FBXL20: variants seen among roughly 807,000 people sequenced by gnomAD.
The protein encoded by FBXL20 is F-box and leucine rich repeat protein 20.
FBXL20 carries 11 observed loss-of-function variants against 64.0 expected under a neutral mutation model. The observed-to-expected ratio is 0.17, with a 90% CI of 0.11 to 0.28. The LOEUF (loss-of-function observed/expected upper bound fraction) is 0.28, where lower values mean the gene tolerates loss of function less well. Ranked by LOEUF, FBXL20 falls within the 10% of genes least tolerant of loss-of-function variation. The pLI is 1.00. For synonymous variants in FBXL20, 184 were observed against 189.0 expected, an observed-to-expected ratio of 0.97 and a Z score of 0.22; for missense variants, 303 against 526.2, an observed-to-expected ratio of 0.58 and a Z score of 4.15.
intron 2 of FBXL20, among the ~76,000 whole-genome samples, chr17:39,342,140 G>C (rs745867776): frequency 4.6e-5 from 7 of 152,032 alleles, no homozygotes; most frequent in Non-Finnish European, 1.0e-4. Context: ...TGTAGGCCAT[G>C]GTATGGAATT....
At chr17:39,291,783 A>C (rs1400046058) in intron 6 of FBXL20, among the ~76,000 whole-genome samples, 3 of 152,250 alleles carry the variant, frequency 2.0e-5, no homozygotes, top group Non-Finnish European at 4.4e-5. Flanking sequence ...ATTTTGCTCT[A>C]AGCAATACCT....
intron 2 of FBXL20, among the ~76,000 whole-genome samples, chr17:39,340,498 A>C (rs1873771653): frequency 6.6e-6 from 1 of 152,178 alleles, no homozygotes; most frequent in Non-Finnish European, 1.5e-5. Context: ...CCAAAGTGCT[A>C]GGATTATAGG....
chr17:39,377,842 C>G (rs1224220295), intron 1 of FBXL20, among the ~76,000 whole-genome samples: 1 of 152,150 alleles, frequency 6.6e-6, no homozygotes, highest in South Asian at 2.1e-4. Context: ...ATCTAGGCAG[C>G]GGGCAAGGTG....
At chr17:39,342,376 G>T (rs560176776) in intron 2 of FBXL20, among the ~76,000 whole-genome samples, 16 of 148,900 alleles carry the variant, frequency 1.1e-4, no homozygotes, top group African/African-American at 3.5e-4. Context: ...GACTATTCTG[G>T]GCAACACAGT....
At chr17:39,332,642 C>T (rs964678940) in intron 2 of FBXL20, among the ~76,000 whole-genome samples, 12 of 149,982 alleles carry the variant, frequency 8.0e-5, no homozygotes, top group African/African-American at 2.4e-4. Context: ...CCTGGGTTCA[C>T]GCCATTCGCC....
At chr17:39,400,308 A>G (rs1186903650) in intron 1 of FBXL20, among the ~76,000 whole-genome samples, 1 of 152,212 alleles carries the variant, frequency 6.6e-6, no homozygotes, top group Non-Finnish European at 1.5e-5. Flanking sequence ...GATTAAACTG[A>G]CAACCCTTAA....
Position 39,292,271 on chromosome 17 carries a change from C to T in FBXL20, c.398+4856G>A, listed in dbSNP as rs996823858. The stretch of plus-strand genomic sequence containing the variant: ...TTACGCCATCTGATATTACTGTCCA[C>T]TCCAACTTTCCCAACTAGTATTTAT... On this transcript the variant is annotated intron_variant, in intron 6 of 14. Coordinates refer to ENST00000264658, the MANE Select transcript of FBXL20 (RefSeq NM_032875.3). Among the ~76,000 whole-genome samples, 3 of 150,704 alleles carry T rather than the reference C, an allele frequency of 2.0e-5. 1 individual carries two copies. Among genetic ancestry groups the T allele is most frequent in the African/African-American group, 7.5e-5 (3 of 40,250 alleles).
chr17:39,272,398 A>G (rs1246238906), intron 10 of FBXL20, among the ~76,000 whole-genome samples: 2 of 147,130 alleles, frequency 1.4e-5, no homozygotes, highest in East Asian at 3.9e-4. Context: ...AAAAAAAAAA[A>G]AAAATTTTTT....
intron 1 of FBXL20, among the ~76,000 whole-genome samples, chr17:39,387,858 G>T (rs750710864): frequency 1.3e-5 from 2 of 152,090 alleles, no homozygotes; most frequent in African/African-American, 2.4e-5. Flanking sequence ...GGTTACAGGC[G>T]TGAGTGACCG....
chr17:39,309,719 G>A (rs778654040), intron 2 of FBXL20, among the ~76,000 whole-genome samples: 9 of 150,134 alleles, frequency 6.0e-5, no homozygotes, highest in African/African-American at 1.2e-4. Context: ...TTGAACCTGC[G>A]AGGCGCAGGT....
rs546436767 is a variant in FBXL20, at chr17:39,259,052, T to G, written c.*2408A>C. ...TAAAATAAATTTAATATGATAAATA[T>G]TAATGGATAGTATAGACTTCTAAGA... On this transcript the variant is annotated 3_prime_UTR_variant, in exon 15 of 15. Transcript: ENST00000264658. The G allele has an allele frequency of 3.9e-5, 6 of 152,336 alleles. No homozygotes were observed. Among genetic ancestry groups the G allele is most frequent in the African/African-American group, 1.4e-4 (6 of 41,574 alleles). 9.4% of individuals were successfully genotyped at this position (152,336 alleles called of 1,614,324 possible). A position where few individuals can be genotyped will look rare whatever the true frequency, so the allele number is the denominator to read the frequency against.
intron 5 of FBXL20, among the ~76,000 whole-genome samples, chr17:39,297,664 A>G (rs75889552): frequency 1.3e-5 from 2 of 152,142 alleles, no homozygotes; most frequent in East Asian, 3.9e-4. Flanking sequence ...ACTCTGCCTT[A>G]TACACCTCTT....
chr17:39,261,244 C>T lies in FBXL20; in HGVS notation c.*216G>A. Reference sequence around the variant, plus strand: ...TTACCAATCTACTTGATAAAAAAGCCATCACAAACTTCAGTCCCATGGTCA... The same window carrying T: ...TTACCAATCTACTTGATAAAAAAGCTATCACAAACTTCAGTCCCATGGTCA... On this transcript the variant is annotated 3_prime_UTR_variant, in exon 15 of 15. Transcript: ENST00000264658. 1 of 469,150 alleles carries T rather than the reference C, an allele frequency of 2.1e-6. No homozygotes were observed. The highest frequency in any genetic ancestry group is 3.9e-6 in the Non-Finnish European group (1 of 259,516). The allele number at this position is 469,150 out of a possible 1,614,324, so 29.1% of individuals were successfully genotyped here.
intron 1 of FBXL20, among the ~76,000 whole-genome samples, chr17:39,398,647 T>C (rs932293869): frequency 1.3e-5 from 2 of 152,068 alleles, no homozygotes; most frequent in Non-Finnish European, 2.9e-5. Flanking sequence ...GCTACACATC[T>C]GGCTAACAGG....
intron 2 of FBXL20, among the ~76,000 whole-genome samples, chr17:39,306,503 G>A (rs1305813872): frequency 6.6e-6 from 1 of 151,994 alleles, no homozygotes; most frequent in Non-Finnish European, 1.5e-5. Context: ...ACCATTTATT[G>A]AAAAGACTGT....
intron 12 of FBXL20, among the ~76,000 whole-genome samples, chr17:39,266,329 C>T (rs1443110504): frequency 6.6e-6 from 1 of 151,576 alleles, no homozygotes; most frequent in Non-Finnish European, 1.5e-5. Flanking sequence ...AAGCGATTCT[C>T]CTGCCTCAGC....
chr17:39,258,593 G>A lies in FBXL20; in HGVS notation c.*2867C>T, dbSNP rs917113933. On this transcript the variant is annotated 3_prime_UTR_variant, in exon 15 of 15. Coordinates refer to ENST00000264658, the MANE Select transcript of FBXL20 (RefSeq NM_032875.3). ...CCTGTGGGTATATCCTTTGAGCAGA[G>A]AAACAGCATTTCCAAGATCATCATG... 13 of 152,212 alleles carry A rather than the reference G, an allele frequency of 8.5e-5. No homozygotes were observed. The highest frequency in any genetic ancestry group is 3.1e-4 in the African/African-American group (13 of 41,448). The allele number at this position is 152,212 out of a possible 1,614,324, so 9.4% of individuals were successfully genotyped here.
intron 2 of FBXL20, among the ~76,000 whole-genome samples, chr17:39,304,340 T>C (rs935132382): frequency 1.3e-5 from 2 of 152,136 alleles, no homozygotes; most frequent in African/African-American, 4.8e-5. Context: ...CAGGCTTGAG[T>C]GCAGTGGCAC....
At chr17:39,298,097 AAAAT>A (rs1384577875) in intron 5 of FBXL20, among the ~76,000 whole-genome samples, 4 of 152,122 alleles carry the variant, frequency 2.6e-5, no homozygotes, top group Admixed American at 2.0e-4. Context: ...TTAAATTAAA[AAAAT>A]AAATGATTGC....
Sources: allele counts gnomAD v4.1 joint callset (sites outside exome capture counted in the v4.1 genomes callset), GRCh38; gene constraint gnomAD v4.1.1; transcripts MANE v1.5; gene names NCBI Gene and HGNC (gene_info 2026-07-23, HGNC 2026-07-21).